The following PARM1 variants were observed in gnomAD, a reference collection of about 807,000 sequenced individuals.
PARM1 encodes prostate androgen-regulated mucin-like protein 1.
Under a neutral mutation model 24.6 loss-of-function variants are expected in PARM1, and 14 were observed. That is an observed-to-expected ratio of 0.57 (90% confidence interval 0.38 to 0.89). The LOEUF (loss-of-function observed/expected upper bound fraction) is 0.89. PARM1 is among the 40% of genes least tolerant of loss of function. The pLI, the probability that PARM1 is intolerant of heterozygous loss-of-function variation, is 0.00. For synonymous variants in PARM1, 179 were observed against 156.6 expected, an observed-to-expected ratio of 1.14 and a Z score of -1.07; for missense variants, 362 against 380.4, an observed-to-expected ratio of 0.95 and a Z score of 0.40.
intron 2 of PARM1, among the ~76,000 whole-genome samples, chr4:75,018,240 C>T (rs186426306): frequency 4.1e-4 from 63 of 152,238 alleles, no homozygotes; most frequent in Admixed American, 3.3e-3. Context: ...TCCCAAGCTA[C>T]ATGGAGGGAG....
Position 75,012,821 on chromosome 4 carries a change from C to T in PARM1, c.440C>T (p.Thr147Ile), listed in dbSNP as rs1227404600. Residue 147 changes from threonine (T) to isoleucine (I), a missense_variant, in exon 2 of 4, where the codon ACA (threonine) becomes ATA (isoleucine). Thr to Ile is a moderately conservative substitution (Grantham distance 89). Coordinates refer to ENST00000307428, the MANE Select transcript of PARM1 (RefSeq NM_015393.4). ...TLSQSAAEPP[T>I]LISPQAPASS... ...TCGCAGTCCGCTGCTGAGCCTCCCA[C>T]ACTCATCTCCCCTCAAGCTCCAGCC... The T allele has an allele frequency of 8.1e-6, 13 of 1,613,864 alleles. No homozygotes were observed. Among genetic ancestry groups the T allele is most frequent in the Non-Finnish European group, 1.1e-5 (13 of 1,179,892 alleles).
intron 1 of PARM1, among the ~76,000 whole-genome samples, chr4:74,936,528 A>T (rs111262371): frequency 1.2e-3 from 172 of 148,068 alleles, no homozygotes; most frequent in African/African-American, 4.0e-3. Context: ...ATCTCAGCTC[A>T]CTGCAAGCTC....
At position 75,033,915 on chromosome 4, in the gene PARM1, G is replaced by A. The variant is rs1486191870; in HGVS notation, c.802G>A (p.Ala268Thr). The change falls in exon 3 of 4, where the codon GCC (alanine) becomes ACC (threonine). Residue 268 changes from alanine (A) to threonine (T), a missense_variant. By Grantham distance (58) the Ala-to-Thr change is moderately conservative (BLOSUM62 0). Coordinates refer to ENST00000307428, the MANE Select transcript of PARM1 (RefSeq NM_015393.4). Reference protein sequence around the residue: ...SIAAITVTVIAVVLLVFGVAA... With the variant: ...SIAAITVTVITVVLLVFGVAA... The stretch of plus-strand genomic sequence containing the variant: ...CGCCGCCATTACCGTGACAGTCATT[G>A]CCGTGGTGCTGCTGGTGTTTGGAGT... 2.5e-6 allele frequency: 4 copies of A among 1,604,718 alleles called. No individual in the cohort carries two copies. Among genetic ancestry groups the A allele is most frequent in the South Asian group, 1.1e-5 (1 of 88,626 alleles).
At chr4:74,971,887 T>G (rs1048137903) in intron 1 of PARM1, among the ~76,000 whole-genome samples, 1 of 152,240 alleles carries the variant, frequency 6.6e-6, no homozygotes, top group African/African-American at 2.4e-5. Flanking sequence ...TTGGGACACA[T>G]TCTTCCTGCA....
Position 74,933,379 on chromosome 4 carries a change from C to T in PARM1, c.43+9C>T, listed in dbSNP as rs1351571819. 2 of 1,611,688 alleles carry T rather than the reference C, an allele frequency of 1.2e-6. No homozygotes were observed. Among genetic ancestry groups the T allele is most frequent in the South Asian group, 1.1e-5 (1 of 90,792 alleles). ...TTGCATCTTAACTGCAGGTAATTGG[C>T]GCCATCCTCCCGGAAGGGCAGGTCG... On this transcript the variant is annotated intron_variant, in intron 1 of 3. Coordinates refer to ENST00000307428, the MANE Select transcript of PARM1 (RefSeq NM_015393.4).
intron 1 of PARM1, among the ~76,000 whole-genome samples, chr4:74,947,250 A>G (rs1036332237): frequency 2.6e-5 from 4 of 152,214 alleles, no homozygotes; most frequent in Non-Finnish European, 5.9e-5. Flanking sequence ...GGAAATACAG[A>G]GGACTGGGGA....
intron 1 of PARM1, among the ~76,000 whole-genome samples, chr4:75,001,518 G>C (rs1722680219): frequency 6.6e-6 from 1 of 152,170 alleles, no homozygotes; most frequent in African/African-American, 2.4e-5. Flanking sequence ...GTGCTGAAAA[G>C]GTTCTGTATC....
chr4:74,964,609 A>G (rs879242955), intron 1 of PARM1, among the ~76,000 whole-genome samples: 1 of 150,928 alleles, frequency 6.6e-6, no homozygotes, highest in Non-Finnish European at 1.5e-5. Context: ...TTTGTTTATG[A>G]TTCTCTTCAC....
chr4:75,018,990 A>G (rs890394085), intron 2 of PARM1, among the ~76,000 whole-genome samples: 5 of 152,216 alleles, frequency 3.3e-5, no homozygotes, highest in African/African-American at 9.6e-5. Flanking sequence ...GCTAGTTGCC[A>G]GATGTTGCCA....
chr4:74,974,569 T>C (rs1722103229), intron 1 of PARM1, among the ~76,000 whole-genome samples: 1 of 152,152 alleles, frequency 6.6e-6, no homozygotes, highest in African/African-American at 2.4e-5. Context: ...TTTGTTACCA[T>C]AGAATGTGGA....
At chr4:74,995,674 G>A (rs2109782863) in intron 1 of PARM1, among the ~76,000 whole-genome samples, 1 of 152,192 alleles carries the variant, frequency 6.6e-6, no homozygotes, top group East Asian at 1.9e-4. Flanking sequence ...AAGAAGCCAA[G>A]GCCAAGAGAG....
In PARM1 at chr4:75,012,804, C is replaced by G; in HGVS notation, c.423C>G (p.Ser141=). 2 of 1,613,994 alleles carry G rather than the reference C, an allele frequency of 1.2e-6. No homozygotes were observed. Among genetic ancestry groups the G allele is most frequent in the Non-Finnish European group, 1.7e-6 (2 of 1,179,886 alleles). The change falls in exon 2 of 4, where the codon TCC becomes TCG. Residue 141 remains serine, a synonymous_variant. Transcript: ENST00000307428. The stretch of plus-strand genomic sequence containing the variant: ...GCGTGGCAGCTACACTGTCGCAGTC[C>G]GCTGCTGAGCCTCCCACACTCATCT... ...EAGVAATLSQ[S]AAEPPTLISP...
rs185952760 is a variant in PARM1, at chr4:74,996,027, A to T, written c.44-16398A>T. Among the ~76,000 whole-genome samples the T allele has an allele frequency of 1.6e-4, 25 of 152,126 alleles. No individual in the cohort carries two copies. The East Asian group carries it at 4.8e-3, about 29-fold the overall frequency. ...CTGGGATTTTTGACATAATGCTTTT[A>T]AAGTTGGAAATATTATTCCCCCTTC... On this transcript the variant is annotated intron_variant, in intron 1 of 3. Coordinates refer to ENST00000307428, the MANE Select transcript of PARM1 (RefSeq NM_015393.4).
intron 2 of PARM1, among the ~76,000 whole-genome samples, chr4:75,031,141 C>T (rs1723267795): frequency 6.6e-6 from 1 of 152,214 alleles, no homozygotes; most frequent in Non-Finnish European, 1.5e-5. Context: ...GCTCAGGATA[C>T]AAGATCTCCT....
At chr4:75,018,027 G>A (rs17000090) in intron 2 of PARM1, among the ~76,000 whole-genome samples, 10,022 of 152,246 alleles carry the variant, frequency 0.066, 1,125 homozygotes, top group African/African-American at 0.23. Flanking sequence ...TATTCTGCTG[G>A]TGTGATTATC....
At chr4:74,954,476 C>T (rs1053516246) in intron 1 of PARM1, among the ~76,000 whole-genome samples, 2 of 152,210 alleles carry the variant, frequency 1.3e-5, no homozygotes, top group African/African-American at 4.8e-5. Flanking sequence ...ACAACGTAAA[C>T]TTGACCTGTG....
intron 2 of PARM1, among the ~76,000 whole-genome samples, chr4:75,025,105 T>G (rs1723158996): frequency 6.6e-6 from 1 of 152,208 alleles, no homozygotes; most frequent in South Asian, 2.1e-4. Context: ...TTCTCTCTCA[T>G]TGTTCATGGA....
intron 1 of PARM1, 123 bp downstream of exon 1, chr4:74,933,493 A>T: frequency 1.3e-6 from 1 of 791,788 alleles, no homozygotes; most frequent in Non-Finnish European, 2.2e-6. Flanking sequence ...GTGAGTGCGC[A>T]GGTGTGTGCG....
chr4:75,042,187 A>G (rs576717019), intron 3 of PARM1, among the ~76,000 whole-genome samples: 1 of 152,224 alleles, frequency 6.6e-6, no homozygotes, highest in Non-Finnish European at 1.5e-5. Flanking sequence ...TTATCATCAA[A>G]TATTTATAAA....
Sources: allele counts gnomAD v4.1 joint callset (sites outside exome capture counted in the v4.1 genomes callset), GRCh38; gene constraint gnomAD v4.1.1; transcripts MANE v1.5; gene names NCBI Gene and HGNC (gene_info 2026-07-23, HGNC 2026-07-21).